Variants in UST observed in about 807,000 individuals in gnomAD.
The protein encoded by UST is chondroitin sulfate 2-O-sulfotransferase.
In UST, 21 loss-of-function variants were observed where a neutral mutation model predicts 45.6. The observed-to-expected ratio is 0.46, with a 90% confidence interval of 0.33 to 0.66. The LOEUF is 0.66. UST is among the 30% of genes least tolerant of loss of function. The probability of loss-of-function intolerance (pLI) is 0.02; values close to 1 mark genes in which losing one functional copy is unlikely to be tolerated. For missense variants in UST, 463 were observed against 512.4 expected (o/e 0.90, Z 0.93); for synonymous variants, 215 against 200.6 (o/e 1.07, Z -0.61).
At chr6:148,948,154 A>ACACAGTATG (rs1339683527) in intron 3 of UST, among the ~76,000 whole-genome samples, 1 of 152,132 alleles carries the variant, frequency 6.6e-6, no homozygotes. Flanking sequence ...GCTACCCCAT[A>ACACAGTATG]CTGTGGGAAG....
At chr6:148,986,562 T>A (rs1415099342) in intron 5 of UST, among the ~76,000 whole-genome samples, 1 of 152,164 alleles carries the variant, frequency 6.6e-6, no homozygotes, top group Non-Finnish European at 1.5e-5. Context: ...TACACATCAG[T>A]CCTTTGTTTG....
rs183460310 is a variant in UST, at chr6:148,973,129, A to T, written c.681+8566A>T. 2.8e-4 allele frequency among the ~76,000 whole-genome samples: 43 copies of T among 152,346 alleles called. No individual in the cohort carries two copies. In the East Asian group the frequency reaches 8.3e-3, roughly 29 times the overall value. On this transcript the variant is annotated intron_variant, in intron 5 of 7. Coordinates refer to ENST00000367463, the MANE Select transcript of UST (RefSeq NM_005715.3). ...GCTTTTCATTGGCATATGCAAATAA[A>T]TGTCATTAAAGAGGTTTGATGATAT...
chr6:148,909,370 G>A (rs188558104), intron 2 of UST, among the ~76,000 whole-genome samples: 19 of 152,292 alleles, frequency 1.2e-4, no homozygotes, highest in South Asian at 6.2e-4. Context: ...ATGCCCGTGC[G>A]CTTCCTACCG....
chr6:149,074,600 G>C lies in UST; in HGVS notation c.*484G>C, dbSNP rs2115049020. ...TTAGGACATCGAAAAGGAGGATGGAGCCAGGTGCCATGGCTTGAGCCTATA... is the reference window on the plus strand; with the variant it reads ...TTAGGACATCGAAAAGGAGGATGGACCCAGGTGCCATGGCTTGAGCCTATA... On this transcript the variant is annotated 3_prime_UTR_variant, in exon 8 of 8. Coordinates refer to ENST00000367463, the MANE Select transcript of UST (RefSeq NM_005715.3). The C allele has an allele frequency of 6.2e-6, 1 of 161,724 alleles. No individual in the cohort carries two copies. Among genetic ancestry groups the C allele is most frequent in the East Asian group, 1.8e-4 (1 of 5,634 alleles). The allele number at this position is 161,724 out of a possible 1,614,324, so 10.0% of individuals were successfully genotyped here.
intron 7 of UST, among the ~76,000 whole-genome samples, chr6:149,029,955 A>G (rs148279764): frequency 6.6e-6 from 1 of 151,870 alleles, no homozygotes; most frequent in Non-Finnish European, 1.5e-5. Flanking sequence ...TCCTTATTAT[A>G]TAGCACTCAT....
intron 7 of UST, among the ~76,000 whole-genome samples, chr6:149,022,836 G>A (rs1344668114): frequency 6.6e-6 from 1 of 152,150 alleles, no homozygotes; most frequent in East Asian, 1.9e-4. Flanking sequence ...GGCTGCCTTA[G>A]CCTCCCAGCT....
intron 1 of UST, among the ~76,000 whole-genome samples, chr6:148,870,956 A>T (rs1037247933): frequency 2.0e-5 from 3 of 152,134 alleles, no homozygotes; most frequent in African/African-American, 7.2e-5. Context: ...CTATGGACTC[A>T]ATGGCTGTGT....
rs1468810798 is a variant in UST, at chr6:149,073,901, A to T, written c.1006A>T (p.Ile336Phe). ...KTVPSPEAVQ[I>F]LYQRMRYEYE... ...TGTCCCCTCTCCTGAGGCTGTGCAG[A>T]TCCTCTACCAGCGGATGAGATACGA... Residue 336 changes from isoleucine (I) to phenylalanine (F), a missense_variant, in exon 8 of 8, where the codon ATC (isoleucine) becomes TTC (phenylalanine). Coordinates refer to ENST00000367463, the MANE Select transcript of UST (RefSeq NM_005715.3). The T allele has an allele frequency of 1.9e-6, 3 of 1,614,160 alleles. No individual in the cohort carries two copies. In the Admixed American group the frequency reaches 5.0e-5, roughly 27 times the overall value.
intron 2 of UST, among the ~76,000 whole-genome samples, chr6:148,897,540 G>A: frequency 6.6e-6 from 1 of 151,830 alleles, no homozygotes; most frequent in East Asian, 1.9e-4. Context: ...CACACAGGCT[G>A]GAGTACAGTG....
intron 7 of UST, among the ~76,000 whole-genome samples, chr6:149,032,302 C>T (rs1357426884): frequency 2.0e-5 from 3 of 152,300 alleles, no homozygotes; most frequent in East Asian, 3.9e-4. Flanking sequence ...TCCCAGGCCC[C>T]CATCCTCCTC....
chr6:148,801,253 T>C (rs955242166), intron 1 of UST, among the ~76,000 whole-genome samples: 1 of 152,168 alleles, frequency 6.6e-6, no homozygotes, highest in African/African-American at 2.4e-5. Context: ...TTTTATAGCT[T>C]TGATTTGATT....
rs1411231778 is a variant in UST at position 149,021,351 on chromosome 6, A to G, written c.807A>G (p.Arg269=). 6.2e-7 allele frequency: 1 copy of G among 1,613,864 alleles called. No individual in the cohort carries two copies. Among genetic ancestry groups the G allele is most frequent in the East Asian group, 2.2e-5 (1 of 44,864 alleles). The part of the protein sequence containing the change: ...CREPGEWALE[R]AKLNVNENFL... ...AGCCTGGTGAATGGGCCCTTGAGAG[A>G]GCAAAGCTGAACGTGAATGAAAACT... is the stretch of plus-strand genomic sequence containing the variant. Residue 269 remains arginine (R), a synonymous_variant, in exon 7 of 8, where the codon AGA becomes AGG. Transcript: ENST00000367463.
At position 148,821,967 on chromosome 6, in the gene UST, G is replaced by A. The variant is rs182311791; in HGVS notation, c.248-65019G>A. Among the ~76,000 whole-genome samples, 290 of 152,250 alleles carry A rather than the reference G, an allele frequency of 1.9e-3. 2 individuals are homozygous for A. The highest frequency in any genetic ancestry group is 5.1e-4 in the Non-Finnish European group (35 of 68,032). Reference sequence around the variant, plus strand: ...TCTTGTGTTCTTTCTACATGTCCCCGTCATCCTTTGAGCGGTTCCCTTACT... The same window carrying A: ...TCTTGTGTTCTTTCTACATGTCCCCATCATCCTTTGAGCGGTTCCCTTACT... On this transcript the variant is annotated intron_variant, in intron 1 of 7. Coordinates refer to ENST00000367463, the MANE Select transcript of UST (RefSeq NM_005715.3).
At chr6:149,034,951 G>T (rs771116315) in intron 7 of UST, among the ~76,000 whole-genome samples, 1 of 147,246 alleles carries the variant, frequency 6.8e-6, no homozygotes, top group African/African-American at 2.5e-5. Flanking sequence ...CTCGGTATGT[G>T]TGCTAAATAT....
At position 148,747,106 on chromosome 6, in the gene UST, C is replaced by T. The variant is rs1388570069; in HGVS notation, c.-325C>T. Among the ~76,000 whole-genome samples the T allele has an allele frequency of 1.3e-5, 2 of 150,700 alleles. No homozygotes were observed. The highest frequency in any genetic ancestry group is 3.0e-5 in the Non-Finnish European group (2 of 67,424). ...GGGGGGTCCACGCTGGCGCTGGAGG[C>T]GAGCCCCGGCGGCCGCAAGCGAGCC... On this transcript the variant is annotated 5_prime_UTR_variant, in exon 1 of 8. Coordinates refer to ENST00000367463, the MANE Select transcript of UST (RefSeq NM_005715.3).
chr6:148,754,976 A>C (rs1242898968), intron 1 of UST, among the ~76,000 whole-genome samples: 1 of 152,234 alleles, frequency 6.6e-6, no homozygotes, highest in Non-Finnish European at 1.5e-5. Flanking sequence ...AGGTATGATA[A>C]TTCATGGATA....
At chr6:148,851,934 G>A (rs1441803156) in intron 1 of UST, among the ~76,000 whole-genome samples, 1 of 152,214 alleles carries the variant, frequency 6.6e-6, no homozygotes, top group East Asian at 1.9e-4. Context: ...TGATGAGGCC[G>A]AGTGAGTGAG....
intron 5 of UST, among the ~76,000 whole-genome samples, chr6:149,008,940 C>T (rs1455096452): frequency 2.0e-5 from 3 of 152,188 alleles, no homozygotes; most frequent in Admixed American, 6.5e-5. Context: ...TTTTTCCTGA[C>T]TCATCATTAA....
intron 1 of UST, among the ~76,000 whole-genome samples, chr6:148,820,905 T>A (rs1414907683): frequency 3.3e-5 from 5 of 150,472 alleles, no homozygotes; most frequent in African/African-American, 7.3e-5. Context: ...TATAGATAGA[T>A]CTACAATCTG....
Sources: allele counts gnomAD v4.1 joint callset (sites outside exome capture counted in the v4.1 genomes callset), GRCh38; gene constraint gnomAD v4.1.1; transcripts MANE v1.5; gene names NCBI Gene and HGNC (gene_info 2026-07-23, HGNC 2026-07-21).